The following FRYL variants were observed in gnomAD, a reference collection of about 807,000 sequenced individuals.
The protein encoded by FRYL is FRY like transcription coactivator.
FRYL carries 150 observed loss-of-function variants against 351.2 expected under a neutral mutation model. The observed-to-expected ratio is 0.43, with a 90% CI of 0.37 to 0.49. The LOEUF (loss-of-function observed/expected upper bound fraction) is 0.49, where lower values mean the gene tolerates loss of function less well. Ranked by LOEUF, FRYL falls within the 20% of genes least tolerant of loss-of-function variation. FRYL has a pLI of 0.00. For synonymous variants in FRYL, 1,153 were observed against 1,257.1 expected (o/e 0.92, Z 1.75); for missense variants, 3,036 against 3,619.3 (o/e 0.84, Z 4.13).
rs187599529 is a variant in FRYL at position 48,733,963 on chromosome 4, C to T, written c.-383-23265G>A. ...CATATAAAATGCTCAATTAGAACCA[C>T]AAAAGGCATAAAAAGAGTAGAAGAC... On this transcript the variant is annotated intron_variant, in intron 1 of 63. Transcript: ENST00000358350. Among the ~76,000 whole-genome samples, 151 of 152,086 alleles carry T rather than the reference C, an allele frequency of 9.9e-4. 1 individual carries two copies. Among genetic ancestry groups the T allele is most frequent in the Non-Finnish European group, 1.3e-3 (86 of 67,954 alleles).
chr4:48,590,093 T>C (rs1368192097), intron 17 of FRYL, among the ~76,000 whole-genome samples: 1 of 152,140 alleles, frequency 6.6e-6, no homozygotes, highest in Non-Finnish European at 1.5e-5. Flanking sequence ...TAAAACTAAG[T>C]TGAAGAAAGG....
chr4:48,563,818 T>C, intron 31 of FRYL, 130 bp downstream of exon 31: 1 of 911,172 alleles, frequency 1.1e-6, no homozygotes, highest in Non-Finnish European at 1.6e-6. Context: ...CTGAGAGGGG[T>C]CCTGGAACCA....
At chr4:48,777,110 G>C (rs1776105036) in intron 1 of FRYL, among the ~76,000 whole-genome samples, 1 of 151,902 alleles carries the variant, frequency 6.6e-6, no homozygotes, top group Admixed American at 6.6e-5. Flanking sequence ...TAAATACTCT[G>C]TCATCGGTTT....
chr4:48,705,935 C>T (rs367807442), intron 2 of FRYL, among the ~76,000 whole-genome samples: 1 of 152,104 alleles, frequency 6.6e-6, no homozygotes, highest in Admixed American at 6.5e-5. Context: ...CTCCTGGGTT[C>T]AAGCGATTCT....
In FRYL at chr4:48,599,705, G is replaced by A. The variant is rs570247242; in HGVS notation, c.1035+2315C>T. ...AAATCCATGCTGGCTCCCGAAACAC[G>A]GGTTACTTGTTTATCTTCTTTCAGC... On this transcript the variant is annotated intron_variant, in intron 13 of 63. Transcript: ENST00000358350. Among the ~76,000 whole-genome samples the A allele has an allele frequency of 7.2e-5, 11 of 152,230 alleles. No homozygotes were observed. The South Asian group carries it at 1.7e-3, about 23-fold the overall frequency.
chr4:48,539,456 T>A (rs760772266), intron 47 of FRYL, among the ~76,000 whole-genome samples: 2 of 152,180 alleles, frequency 1.3e-5, no homozygotes, highest in Non-Finnish European at 2.9e-5. Flanking sequence ...GTGATCTAAG[T>A]CAGCTTAGAT....
In FRYL at chr4:48,559,873, C is replaced by T. The variant is rs184597601; in HGVS notation, c.3865+1595G>A. On this transcript the variant is annotated intron_variant, in intron 33 of 63. Transcript: ENST00000358350. ...CAGAGCTTAAAGAAATATAAGATGG[C>T]TAACACCAATTGCTGTGGAAAGTAG... is the stretch of plus-strand genomic sequence containing the variant. Among the ~76,000 whole-genome samples the T allele has an allele frequency of 4.1e-3, 631 of 152,232 alleles. 5 individuals are homozygous for T. The highest frequency in any genetic ancestry group is 6.8e-3 in the Middle Eastern group (2 of 294).
intron 7 of FRYL, chr4:48,618,170 T>C (rs527963829): frequency 1.3e-5 from 2 of 152,288 alleles, no homozygotes; most frequent in East Asian, 1.9e-4. Context: ...GGAGATTTCT[T>C]TCCTACCTCT....
At chr4:48,756,396 C>T (rs548883169) in intron 1 of FRYL, among the ~76,000 whole-genome samples, 1 of 152,248 alleles carries the variant, frequency 6.6e-6, no homozygotes, top group Admixed American at 6.5e-5. Flanking sequence ...GATATTGTTC[C>T]AGTCTAAAAT....
In FRYL at chr4:48,499,431, A is replaced by G; in HGVS notation, c.9033T>C (p.Thr3011=). 2 of 1,614,010 alleles carry G rather than the reference A, an allele frequency of 1.2e-6. No homozygotes were observed. The highest frequency in any genetic ancestry group is 1.7e-6 in the Non-Finnish European group (2 of 1,179,878). Residue 3011 remains threonine (T), a synonymous_variant, in exon 64 of 64, where the codon ACT becomes ACC. Coordinates refer to ENST00000358350, the MANE Select transcript of FRYL (RefSeq NM_015030.2). ...AAAGGCCTGAAGTGTCTCAGAATCC[A>G]GTGCTCACCATATTTCCCATTGGTT... ...QAKPMGNMVS[T]GF is the part of the protein sequence containing the mutation.
At chr4:48,646,037 T>C (rs1302679838) in intron 3 of FRYL, 3 of 152,196 alleles carry the variant, frequency 2.0e-5, no homozygotes, top group Non-Finnish European at 4.4e-5. Context: ...AATTTACTCA[T>C]TCAGATATTG....
At chr4:48,774,748 A>C (rs973156447) in intron 1 of FRYL, among the ~76,000 whole-genome samples, 1 of 152,082 alleles carries the variant, frequency 6.6e-6, no homozygotes, top group Non-Finnish European at 1.5e-5. Context: ...GGGTTTCACT[A>C]TGTTGGCCAG....
intron 1 of FRYL, among the ~76,000 whole-genome samples, chr4:48,731,612 G>C (rs1158392824): frequency 6.6e-6 from 1 of 151,908 alleles, no homozygotes; most frequent in Non-Finnish European, 1.5e-5. Context: ...CAGAACAGAG[G>C]CCTCAGAAAT....
chr4:48,676,673 G>A (rs1413141647), intron 3 of FRYL, among the ~76,000 whole-genome samples: 1 of 152,074 alleles, frequency 6.6e-6, no homozygotes, highest in Admixed American at 6.5e-5. Context: ...TTACAGGCGT[G>A]AGCCACTGCG....
intron 4 of FRYL, among the ~76,000 whole-genome samples, chr4:48,626,250 ATG>A (rs574626256): frequency 1.3e-4 from 20 of 151,252 alleles, no homozygotes; most frequent in East Asian, 5.8e-4. Context: ...CTCTCTCTCT[ATG>A]TGTGTGTGTG....
intron 3 of FRYL, among the ~76,000 whole-genome samples, chr4:48,640,337 G>A (rs768632187): frequency 1.3e-5 from 2 of 152,102 alleles, no homozygotes; most frequent in Non-Finnish European, 2.9e-5. Context: ...AAAAAGAAAT[G>A]AGCTATCAAG....
chr4:48,519,430 CCT>C lies in FRYL; in HGVS notation c.7689+1616_7689+1617del, dbSNP rs375685265. Among the ~76,000 whole-genome samples, 173 of 152,244 alleles carry C rather than the reference CCT, an allele frequency of 1.1e-3. 2 individuals carry two copies. In the South Asian group the frequency reaches 0.035, roughly 31 times the overall value. Reference sequence around the variant, plus strand: ...CTCCCAGTGCACAGCTGATCACTTTCCTCTCAGTTTTCATAAAGCCTTGAACC... The same window carrying C: ...CTCCCAGTGCACAGCTGATCACTTTCCTCAGTTTTCATAAAGCCTTGAACC... On this transcript the variant is annotated intron_variant, in intron 55 of 63. Coordinates refer to ENST00000358350, the MANE Select transcript of FRYL (RefSeq NM_015030.2).
chr4:48,767,476 T>C (rs1775086439), intron 1 of FRYL, among the ~76,000 whole-genome samples: 1 of 152,108 alleles, frequency 6.6e-6, no homozygotes, highest in South Asian at 2.1e-4. Flanking sequence ...CAGAATATTA[T>C]TCGCCTTAAA....
chr4:48,499,353 A>G lies in FRYL; in HGVS notation c.*69T>C, dbSNP rs981404087. 47 of 1,422,866 alleles carry G rather than the reference A, an allele frequency of 3.3e-5. 1 individual carries two copies. The highest frequency in any genetic ancestry group is 4.6e-5 in the East Asian group (2 of 43,852). 88.1% of individuals were successfully genotyped at this position (1,422,866 alleles called of 1,614,324 possible). Reference sequence around the variant, plus strand: ...AAGTTATCAGTGAATGCAAGGGTCCATAAAAGGTGCTTGGTTAATATTCTT... The same window carrying G: ...AAGTTATCAGTGAATGCAAGGGTCCGTAAAAGGTGCTTGGTTAATATTCTT... On this transcript the variant is annotated 3_prime_UTR_variant, in exon 64 of 64. Transcript: ENST00000358350.
Sources: gnomAD v4.1 joint callset for allele counts (sites outside exome capture counted in the v4.1 genomes callset) on GRCh38, gnomAD v4.1.1 for gene constraint, MANE v1.5 for transcripts, NCBI Gene and HGNC (gene_info 2026-07-23, HGNC 2026-07-21) for gene names.